Variants in KMT5A observed in about 807,000 individuals in gnomAD.
KMT5A encodes the protein N-lysine methyltransferase KMT5A.
KMT5A carries 6 observed loss-of-function variants against 40.6 expected under a neutral mutation model. The ratio of observed to expected loss-of-function variants is 0.15; its 90% CI spans 0.08 to 0.29. KMT5A has a LOEUF of 0.29. KMT5A is among the 10% of genes least tolerant of loss of function. The pLI is 1.00. For missense variants in KMT5A, 308 were observed against 459.1 expected (o/e 0.67, Z 3.01); for synonymous variants, 153 against 178.8 (o/e 0.86, Z 1.15).
At chr12:123,390,442 G>A (rs1303750994) in intron 2 of KMT5A, among the ~76,000 whole-genome samples, 188 bp from the exon 3 acceptor site, 1 of 152,162 alleles carries the variant, frequency 6.6e-6, no homozygotes, top group Non-Finnish European at 1.5e-5. Flanking sequence ...TTTAGGAAAC[G>A]TTTCACTGGA....
At chr12:123,389,384 C>A in intron 1 of KMT5A, 49 bp from the exon 2 acceptor site, 1 of 1,024,260 alleles carries the variant, frequency 9.8e-7, no homozygotes, top group Non-Finnish European at 1.2e-6. Context: ...CCCGCCCCGC[C>A]GCGCCCTGAG....
intron 1 of KMT5A, among the ~76,000 whole-genome samples, chr12:123,386,901 G>A (rs1314225532): frequency 1.3e-5 from 2 of 151,956 alleles, no homozygotes; most frequent in African/African-American, 2.4e-5. Flanking sequence ...TGTCACCCAG[G>A]ATAGAGTGCA....
At chr12:123,390,112 C>T (rs982448963) in intron 2 of KMT5A, 5 of 468,732 alleles carry the variant, frequency 1.1e-5, no homozygotes, top group African/African-American at 6.0e-5. Flanking sequence ...CCTCCCGTCG[C>T]AGCCCTGGAG....
At chr12:123,389,282 C>T (rs1390527430) in intron 1 of KMT5A, 151 bp from the exon 2 acceptor site, 2 of 328,892 alleles carry the variant, frequency 6.1e-6, no homozygotes, top group African/African-American at 2.4e-5. Flanking sequence ...CCGGCCCTCC[C>T]GGCTGCGCGG....
intron 2 of KMT5A, 144 bp from the exon 3 acceptor site, chr12:123,390,486 G>A (rs1200384438): frequency 1.0e-6 from 1 of 975,192 alleles, no homozygotes; most frequent in Non-Finnish European, 1.5e-6. Context: ...GCTCTCCTGA[G>A]ACAATGGGGG....
chr12:123,390,867 G>A (rs1163367465), intron 3 of KMT5A, 81 bp downstream of exon 3: 20 of 1,484,702 alleles, frequency 1.3e-5, no homozygotes, highest in Non-Finnish European at 1.7e-5. Flanking sequence ...ATGCACATAT[G>A]TATTTATCCA....
At chr12:123,395,330 G>A (rs1877632848) in intron 4 of KMT5A, 64 bp downstream of exon 4, 1 of 1,527,578 alleles carries the variant, frequency 6.5e-7, no homozygotes, top group Admixed American at 1.9e-5. Context: ...TGCCAGGGAA[G>A]CCTGCTCAGG....
rs1022796560 is a variant in KMT5A, at chr12:123,384,448, A to T, written c.10+240A>T. ...GCTTCTGTTTCCCTTCTATGAAGTG[A>T]ACACCTGCGGGCCTGCCTCTCCACG... On this transcript the variant is annotated intron_variant, in intron 1 of 7. Transcript: ENST00000402868. This position sits in a 1 kb window ranked among gnomAD's most constrained non-coding sequence, Gnocchi z 5.7. Among the ~76,000 whole-genome samples, 1 of 152,208 alleles carries T rather than the reference A, an allele frequency of 6.6e-6. No individual in the cohort carries two copies. Among genetic ancestry groups the T allele is most frequent in the Non-Finnish European group, 1.5e-5 (1 of 68,030 alleles).
chr12:123,386,771 G>A (rs535240337), intron 1 of KMT5A, among the ~76,000 whole-genome samples: 1 of 152,080 alleles, frequency 6.6e-6, no homozygotes, highest in African/African-American at 2.4e-5. Flanking sequence ...TTGTTGAATG[G>A]TCTCTTGGTT....
At chr12:123,405,558 C>T (rs1289709816) in intron 7 of KMT5A, among the ~76,000 whole-genome samples, 6 of 136,784 alleles carry the variant, frequency 4.4e-5, no homozygotes, top group Non-Finnish European at 6.2e-5. Flanking sequence ...CTCGATCTGT[C>T]GCCCAAGCTG....
chr12:123,399,075 C>T (rs1330159271), intron 5 of KMT5A, among the ~76,000 whole-genome samples: 2 of 152,346 alleles, frequency 1.3e-5, no homozygotes, highest in East Asian at 1.9e-4. Context: ...TGCAGGGGCC[C>T]CTTGGCCGGC....
intron 7 of KMT5A, among the ~76,000 whole-genome samples, chr12:123,406,191 C>T (rs1424622327): frequency 6.6e-6 from 1 of 152,188 alleles, no homozygotes; most frequent in Non-Finnish European, 1.5e-5. Flanking sequence ...GTGGGCTAGT[C>T]ACATGAAAAC....
At chr12:123,398,596 G>A (rs866629078) in intron 5 of KMT5A, among the ~76,000 whole-genome samples, 2 of 152,238 alleles carry the variant, frequency 1.3e-5, no homozygotes, top group African/African-American at 2.4e-5. Flanking sequence ...AAGAAAGCTC[G>A]CCCTGTTCCT....
At chr12:123,406,036 G>T (rs776472352) in intron 7 of KMT5A, among the ~76,000 whole-genome samples, 68 of 151,730 alleles carry the variant, frequency 4.5e-4, no homozygotes, top group Non-Finnish European at 7.5e-4. Context: ...AGCCAGGATG[G>T]TCTCAATCTC....
Position 123,384,187 on chromosome 12 carries a change from C to G in KMT5A, c.-12C>G. Reference sequence around the variant, plus strand: ...TTTCCCGGGAGATCCCAGGCGGTGACAGAGTGGAGCCATGGCTAGAGGTAT... The same window carrying G: ...TTTCCCGGGAGATCCCAGGCGGTGAGAGAGTGGAGCCATGGCTAGAGGTAT... On this transcript the variant is annotated 5_prime_UTR_variant, in exon 1 of 8. Coordinates refer to ENST00000402868, the MANE Select transcript of KMT5A (RefSeq NM_020382.7). The surrounding 1 kb of genome is among the most constrained non-coding windows in gnomAD (Gnocchi z 5.7). 2 of 1,613,742 alleles carry G rather than the reference C, an allele frequency of 1.2e-6. No homozygotes were observed. Among genetic ancestry groups the G allele is most frequent in the African/African-American group, 1.3e-5 (1 of 75,036 alleles).
intron 2 of KMT5A, 52 bp from the exon 3 acceptor site, chr12:123,390,578 T>A (rs1177274876): frequency 6.3e-7 from 1 of 1,598,242 alleles, no homozygotes; most frequent in Non-Finnish European, 8.5e-7. Context: ...TCGTGAATGC[T>A]CTAGGATCTT....
chr12:123,394,791 A>G (rs1356188928), intron 3 of KMT5A, among the ~76,000 whole-genome samples: 1 of 152,120 alleles, frequency 6.6e-6, no homozygotes, highest in African/African-American at 2.4e-5. Flanking sequence ...TCTCCCTCAC[A>G]GGCTCTCTAT....
intron 1 of KMT5A, chr12:123,389,195 GGCC>G (rs1455019549): frequency 1.6e-4 from 21 of 134,792 alleles, no homozygotes; most frequent in Non-Finnish European, 2.9e-4. Context: ...GGGTGTGTCG[GGCC>G]CGGCCGCGCG....
rs1878441663 is a variant in KMT5A at position 123,405,151 on chromosome 12, A to AT, written c.848+79dup. The AT allele has an allele frequency of 5.8e-6, 8 of 1,368,944 alleles. No homozygotes were observed. In the South Asian group the frequency reaches 1.2e-4, roughly 20 times the overall value. 84.8% of individuals were successfully genotyped at this position (1,368,944 alleles called of 1,614,324 possible). A position where few individuals can be genotyped will look rare whatever the true frequency, so the allele number is the denominator to read the frequency against. The stretch of plus-strand genomic sequence containing the variant: ...GAGGCCAAAGGGCCAGGAACTCCTG[A>AT]TTCTGTTTGGTGGCCAGTCTTTTGG... On this transcript the variant is annotated intron_variant, in intron 7 of 7. Transcript: ENST00000402868.
Sources: allele counts gnomAD v4.1 joint callset (sites outside exome capture counted in the v4.1 genomes callset), GRCh38; gene constraint gnomAD v4.1.1; non-coding constraint Gnocchi (gnomAD v3.1); transcripts MANE v1.5; gene names NCBI Gene and HGNC (gene_info 2026-07-23, HGNC 2026-07-21).